Variants in PSD3 observed in about 807,000 individuals in gnomAD.
PSD3 encodes pleckstrin and Sec7 domain containing 3, also known as PH and SEC7 domain-containing protein 3.
Under a neutral mutation model 105.5 loss-of-function variants are expected in PSD3, and 49 were observed. The ratio of observed to expected loss-of-function variants is 0.46; its 90% confidence interval spans 0.37 to 0.59. The LOEUF is 0.59. Among genes scored for constraint, PSD3 ranks in the 20% least tolerant of loss-of-function variants. PSD3 has a pLI of 0.00. For synonymous variants in PSD3, 557 were observed against 457.8 expected, an observed-to-expected ratio of 1.22 and a Z score of -2.77; for missense variants, 1,561 against 1,263.8, an observed-to-expected ratio of 1.24 and a Z score of -3.57.
At chr8:18,607,109 T>A (rs1212017195) in intron 11 of PSD3, among the ~76,000 whole-genome samples, 1 of 152,172 alleles carries the variant, frequency 6.6e-6, no homozygotes, top group East Asian at 1.9e-4. Flanking sequence ...AGGTGGGCAC[T>A]GAAGGCAGGA....
At chr8:19,013,520 C>G (rs1363984950) in intron 1 of PSD3, 43 bp downstream of exon 1, 1 of 1,578,462 alleles carries the variant, frequency 6.3e-7, no homozygotes, top group Non-Finnish European at 8.5e-7. Context: ...AACAGCGGCG[C>G]CGCGTGCGCA....
rs147758453 is a variant in PSD3 at position 18,928,365 on chromosome 8, T to C, written c.130+7669A>G. Among the ~76,000 whole-genome samples the C allele has an allele frequency of 2.2e-3, 338 of 152,354 alleles. 1 individual carries two copies. Among genetic ancestry groups the C allele is most frequent in the African/African-American group, 7.7e-3 (320 of 41,574 alleles). On this transcript the variant is annotated intron_variant, in intron 2 of 15. Coordinates refer to ENST00000327040, the MANE Select transcript of PSD3 (RefSeq NM_015310.4). The stretch of plus-strand genomic sequence containing the variant: ...CATGATTGTGAGGCCTCTCCAGCCA[T>C]GTGGAACTGTGAGTCCATTAAACCT...
intron 4 of PSD3, among the ~76,000 whole-genome samples, chr8:18,807,657 G>C (rs1028478157): frequency 3.9e-5 from 6 of 152,128 alleles, no homozygotes; most frequent in African/African-American, 1.4e-4. Context: ...AACTGACCCA[G>C]GCAAACTAAC....
chr8:18,966,602 G>A (rs1188313382), intron 1 of PSD3, among the ~76,000 whole-genome samples: 1 of 149,308 alleles, frequency 6.7e-6, no homozygotes, highest in Non-Finnish European at 1.5e-5. Flanking sequence ...AACACAAATA[G>A]AGTCATTTTT....
chr8:18,620,702 C>A (rs1806052970), intron 11 of PSD3, among the ~76,000 whole-genome samples: 1 of 152,040 alleles, frequency 6.6e-6, no homozygotes, highest in Non-Finnish European at 1.5e-5. Context: ...TGAGCAAGGA[C>A]CTGTCTCAAC....
At chr8:19,049,451 A>C (rs1828439246) in intron 1 of PSD3, among the ~76,000 whole-genome samples, 1 of 152,118 alleles carries the variant, frequency 6.6e-6, no homozygotes. Context: ...GTGCTCTGGG[A>C]GGCCACGGCA....
rs1823181673 is a variant in PSD3, at chr8:18,950,697, T to C, written c.22-14555A>G. Among the ~76,000 whole-genome samples, 4 of 152,300 alleles carry C rather than the reference T, an allele frequency of 2.6e-5. No homozygotes were observed. In the South Asian group the frequency reaches 8.3e-4, roughly 32 times the overall value. The stretch of plus-strand genomic sequence containing the variant: ...CATCACTTTGTACCCCATAAATATA[T>C]ACAACTATAACTTATCAATTTATAA... On this transcript the variant is annotated intron_variant, in intron 1 of 15. Coordinates refer to ENST00000327040, the MANE Select transcript of PSD3 (RefSeq NM_015310.4).
chr8:18,533,694 C>G lies in PSD3; in HGVS notation c.*2049G>C, dbSNP rs533032502. On this transcript the variant is annotated 3_prime_UTR_variant, in exon 16 of 16. Coordinates refer to ENST00000327040, the MANE Select transcript of PSD3 (RefSeq NM_015310.4). The stretch of plus-strand genomic sequence containing the variant: ...ATGACATGGTCTAGGTACCTCTCTC[C>G]CCTCGGCTTAGTATAAACATTTAGG... 5.3e-5 allele frequency: 8 copies of G among 152,114 alleles called. No individual in the cohort carries two copies. The highest frequency in any genetic ancestry group is 8.8e-5 in the Non-Finnish European group (6 of 68,028). The allele number at this position is 152,114 out of a possible 1,614,324, so 9.4% of individuals were successfully genotyped here. A position where few individuals can be genotyped will look rare whatever the true frequency, so the allele number is the denominator to read the frequency against.
intron 1 of PSD3, among the ~76,000 whole-genome samples, chr8:18,964,201 T>C (rs982964995): frequency 1.3e-5 from 2 of 152,206 alleles, no homozygotes; most frequent in African/African-American, 4.8e-5. Flanking sequence ...CATGGCTCAA[T>C]GCAGCCTGGA....
chr8:19,078,645 A>G (rs1232413768), intron 1 of PSD3, among the ~76,000 whole-genome samples: 3 of 151,936 alleles, frequency 2.0e-5, no homozygotes, highest in African/African-American at 7.3e-5. Context: ...CTGTTAGCAC[A>G]ATGTGAGCCG....
intron 1 of PSD3, among the ~76,000 whole-genome samples, chr8:18,998,411 GGT>G (rs1826194477): frequency 6.6e-6 from 1 of 151,960 alleles, no homozygotes; most frequent in Non-Finnish European, 1.5e-5. Flanking sequence ...TCCTGGGCCG[GGT>G]GCGGTGGCTC....
At chr8:19,037,037 A>G (rs989109462) in intron 1 of PSD3, among the ~76,000 whole-genome samples, 1 of 152,148 alleles carries the variant, frequency 6.6e-6, no homozygotes. Flanking sequence ...GAATTTACCT[A>G]TCCTTGGGAT....
intron 9 of PSD3, among the ~76,000 whole-genome samples, chr8:18,719,207 C>T (rs116476405): frequency 0.035 from 5,377 of 152,156 alleles, 294 homozygotes; most frequent in African/African-American, 0.12. Flanking sequence ...TATGAGTGGA[C>T]GCCACTGAGA....
At chr8:18,556,820 A>G (rs1434115483) in intron 14 of PSD3, among the ~76,000 whole-genome samples, 1 of 152,252 alleles carries the variant, frequency 6.6e-6, no homozygotes, top group Non-Finnish European at 1.5e-5. Context: ...TTTTTGAAAG[A>G]AGCAGAGCTA....
At chr8:18,546,654 AT>A (rs1345527895) in intron 15 of PSD3, among the ~76,000 whole-genome samples, 1 of 152,210 alleles carries the variant, frequency 6.6e-6, no homozygotes, top group Non-Finnish European at 1.5e-5. Context: ...TTTAAGATCT[AT>A]TATCCTCAGG....
At chr8:18,548,345 A>ATAT (rs1003465394) in intron 15 of PSD3, among the ~76,000 whole-genome samples, 3 of 152,088 alleles carry the variant, frequency 2.0e-5, no homozygotes, top group East Asian at 1.9e-4. Context: ...GGTTACTAGA[A>ATAT]TATTATTATT....
chr8:18,541,497 T>A (rs1382136649), intron 15 of PSD3, among the ~76,000 whole-genome samples: 1 of 152,122 alleles, frequency 6.6e-6, no homozygotes. Flanking sequence ...CAATGATGTT[T>A]TTCACAAAAA....
intron 10 of PSD3, 122 bp downstream of exon 10, chr8:18,655,520 G>A: frequency 1.1e-6 from 1 of 900,204 alleles, no homozygotes; most frequent in Non-Finnish European, 1.8e-6. Flanking sequence ...TAAGACACTT[G>A]GTGTAAAATG....
At chr8:19,027,167 T>C (rs1827587588) in intron 1 of PSD3, among the ~76,000 whole-genome samples, 1 of 152,078 alleles carries the variant, frequency 6.6e-6, no homozygotes, top group Non-Finnish European at 1.5e-5. Context: ...TCTCTCTCAA[T>C]TTTCCTATTA....
Sources: allele counts gnomAD v4.1 joint callset (sites outside exome capture counted in the v4.1 genomes callset), GRCh38; gene constraint gnomAD v4.1.1; transcripts MANE v1.5; gene names NCBI Gene and HGNC (gene_info 2026-07-23, HGNC 2026-07-21).